Variants in ZNF385B observed in about 807,000 individuals in gnomAD.
The protein encoded by ZNF385B is zinc finger protein 533.
ZNF385B carries 23 observed loss-of-function variants against 39.2 expected under a neutral mutation model. That is an observed-to-expected ratio of 0.59 (90% CI 0.42 to 0.83). ZNF385B has a LOEUF of 0.83. ZNF385B is among the 40% of genes least tolerant of loss of function. The probability of loss-of-function intolerance (pLI) is 0.00; values close to 1 mark genes in which losing one functional copy is unlikely to be tolerated. For synonymous variants in ZNF385B, 205 were observed against 222.6 expected (o/e 0.92, Z 0.70); for missense variants, 552 against 598.9 (o/e 0.92, Z 0.82).
At chr2:179,733,826 A>G (rs963268737) in intron 3 of ZNF385B, among the ~76,000 whole-genome samples, 3 of 151,632 alleles carry the variant, frequency 2.0e-5, no homozygotes, top group African/African-American at 7.3e-5. Flanking sequence ...ATAGTTAAAT[A>G]TAAGTCTACT....
At chr2:179,607,787 G>T (rs1688938316) in intron 3 of ZNF385B, among the ~76,000 whole-genome samples, 2 of 151,936 alleles carry the variant, frequency 1.3e-5, no homozygotes, top group South Asian at 2.1e-4. Context: ...GGCAGAGAGG[G>T]TTTTCTGTGT....
intron 6 of ZNF385B, among the ~76,000 whole-genome samples, chr2:179,478,716 A>T (rs893657195): frequency 3.3e-5 from 5 of 152,192 alleles, no homozygotes; most frequent in Non-Finnish European, 5.9e-5. Context: ...TAATTTTTTT[A>T]AAAAATCCAA....
At chr2:179,491,612 T>C (rs1482543443) in intron 5 of ZNF385B, among the ~76,000 whole-genome samples, 1 of 152,212 alleles carries the variant, frequency 6.6e-6, no homozygotes, top group Non-Finnish European at 1.5e-5. Context: ...TCTCAAAGAA[T>C]TATGTATATA....
chr2:179,520,214 C>G (rs2058384576), intron 4 of ZNF385B, among the ~76,000 whole-genome samples: 1 of 151,628 alleles, frequency 6.6e-6, no homozygotes, highest in South Asian at 2.1e-4. Context: ...GAGAGATAGC[C>G]TAACTATAAT....
chr2:179,547,332 T>G lies in ZNF385B; in HGVS notation c.299-2363A>C, dbSNP rs549845461. Among the ~76,000 whole-genome samples the G allele has an allele frequency of 2.0e-5, 3 of 149,738 alleles. No individual in the cohort carries two copies. In the South Asian group the frequency reaches 6.4e-4, roughly 32 times the overall value. On this transcript the variant is annotated intron_variant, in intron 3 of 9. Transcript: ENST00000410066. The stretch of plus-strand genomic sequence containing the variant: ...GAATTTCCCCAATTTTTTCACATAG[T>G]AGTTTCATAGTTTGAGGTCATAGAT...
intron 5 of ZNF385B, among the ~76,000 whole-genome samples, chr2:179,503,237 G>C (rs1026318983): frequency 5.3e-5 from 8 of 152,110 alleles, no homozygotes; most frequent in African/African-American, 1.7e-4. Flanking sequence ...GCTTAAGTAT[G>C]ATTGAAAAAG....
chr2:179,672,926 C>A (rs1696230685), intron 3 of ZNF385B, among the ~76,000 whole-genome samples: 1 of 152,118 alleles, frequency 6.6e-6, no homozygotes, highest in South Asian at 2.1e-4. Flanking sequence ...GGTCTGACAG[C>A]TGAATAGAAG....
In ZNF385B at chr2:179,442,783, T is replaced by A. The variant is rs2049078819; in HGVS notation, c.*467A>T. ...AGTATCCACAAGTAAGCACTTGTGT[T>A]CACTGTTTTTTGTTCCACACTAGAA... On this transcript the variant is annotated 3_prime_UTR_variant, in exon 10 of 10. Coordinates refer to ENST00000410066, the MANE Select transcript of ZNF385B (RefSeq NM_152520.6). 4.3e-6 allele frequency: 1 copy of A among 230,360 alleles called. No homozygotes were observed. Among genetic ancestry groups the A allele is most frequent in the Non-Finnish European group, 8.6e-6 (1 of 115,710 alleles). The allele number at this position is 230,360 out of a possible 1,614,324, so 14.3% of individuals were successfully genotyped here. A position where few individuals can be genotyped will look rare whatever the true frequency, so the allele number is the denominator to read the frequency against.
chr2:179,757,204 C>G (rs559649074), intron 3 of ZNF385B, among the ~76,000 whole-genome samples: 45 of 152,334 alleles, frequency 3.0e-4, no homozygotes, highest in Middle Eastern at 3.4e-3. Flanking sequence ...AGCTGCAGGT[C>G]TGTTGGAGTT....
intron 3 of ZNF385B, among the ~76,000 whole-genome samples, chr2:179,761,278 A>AAG (rs1272663153): frequency 6.6e-6 from 1 of 152,194 alleles, no homozygotes; most frequent in Admixed American, 6.5e-5. Flanking sequence ...TGTCTACAAA[A>AAG]AGAACTTGCT....
intron 3 of ZNF385B, among the ~76,000 whole-genome samples, chr2:179,679,190 T>C (rs775558499): frequency 7.9e-5 from 12 of 152,196 alleles, no homozygotes; most frequent in Non-Finnish European, 1.2e-4. Flanking sequence ...TTTTAAATGG[T>C]GGTCCAATAA....
At chr2:179,619,976 T>C (rs1690074130) in intron 3 of ZNF385B, among the ~76,000 whole-genome samples, 1 of 152,184 alleles carries the variant, frequency 6.6e-6, no homozygotes, top group Non-Finnish European at 1.5e-5. Context: ...CCTCTCTGAA[T>C]GTCAATTTCT....
intron 1 of ZNF385B, among the ~76,000 whole-genome samples, chr2:179,831,352 A>G (rs1344961661): frequency 2.0e-5 from 3 of 152,162 alleles, no homozygotes; most frequent in Non-Finnish European, 4.4e-5. Context: ...TAGCTAGTAA[A>G]TAGTTAGCAG....
intron 6 of ZNF385B, among the ~76,000 whole-genome samples, chr2:179,452,140 T>C (rs560810592): frequency 5.9e-5 from 9 of 152,136 alleles, no homozygotes; most frequent in Non-Finnish European, 8.8e-5. Flanking sequence ...ATATCCATAA[T>C]TTATGCATCC....
intron 3 of ZNF385B, among the ~76,000 whole-genome samples, chr2:179,749,957 T>A (rs1307533814): frequency 2.6e-5 from 4 of 152,024 alleles, no homozygotes; most frequent in Non-Finnish European, 5.9e-5. Flanking sequence ...TAAAAAAGGG[T>A]CAACCACTCC....
intron 3 of ZNF385B, among the ~76,000 whole-genome samples, chr2:179,603,869 A>C (rs1688596354): frequency 6.6e-6 from 1 of 152,194 alleles, no homozygotes; most frequent in African/African-American, 2.4e-5. Flanking sequence ...GCATCAAATA[A>C]AATTAAATGC....
chr2:179,762,963 G>A (rs1234043946), intron 3 of ZNF385B, among the ~76,000 whole-genome samples: 8 of 152,160 alleles, frequency 5.3e-5, no homozygotes, highest in Admixed American at 5.2e-4. Context: ...GGAGTGCAAT[G>A]GCACAATCTT....
intron 3 of ZNF385B, among the ~76,000 whole-genome samples, chr2:179,755,454 G>A (rs1358708249): frequency 6.6e-6 from 1 of 152,180 alleles, no homozygotes; most frequent in Non-Finnish European, 1.5e-5. Flanking sequence ...AGGTCTGCTT[G>A]GTGCAGAGCT....
intron 3 of ZNF385B, among the ~76,000 whole-genome samples, chr2:179,710,530 G>A (rs560347270): frequency 6.6e-6 from 1 of 152,116 alleles, no homozygotes; most frequent in Non-Finnish European, 1.5e-5. Context: ...TCCCATTACG[G>A]AACATTTTAA....
Sources: gnomAD v4.1 joint callset for allele counts (sites outside exome capture counted in the v4.1 genomes callset) on GRCh38, gnomAD v4.1.1 for gene constraint, MANE v1.5 for transcripts, NCBI Gene and HGNC (gene_info 2026-07-23, HGNC 2026-07-21) for gene names.